The following SHROOM4 variants were observed in gnomAD, a reference collection of about 807,000 sequenced individuals.
The protein encoded by SHROOM4 is protein Shroom4.
A neutral mutation model predicts 80.3 loss-of-function variants in SHROOM4; 17 were observed. The observed-to-expected ratio is 0.21, with a 90% CI of 0.14 to 0.32. The LOEUF (loss-of-function observed/expected upper bound fraction) is 0.32. SHROOM4 is among the 10% of genes least tolerant of loss of function. The pLI is 1.00. For synonymous variants in SHROOM4, 400 were observed against 437.5 expected, an observed-to-expected ratio of 0.91 and a Z score of 1.07; for missense variants, 993 against 1,140.3, an observed-to-expected ratio of 0.87 and a Z score of 1.86.
intron 1 of SHROOM4, among the ~76,000 whole-genome samples, chrX:50,777,138 C>G (rs782247493): frequency 3.6e-5 from 4 of 111,553 alleles, no homozygotes; most frequent in Non-Finnish European, 7.5e-5. Flanking sequence ...GTAGTCACAC[C>G]TGTTGCTGAT....
chrX:50,751,860 G>A (rs542339382), intron 1 of SHROOM4, among the ~76,000 whole-genome samples: 2 of 111,745 alleles, frequency 1.8e-5, no homozygotes, highest in South Asian at 7.4e-4. Flanking sequence ...CCCCACTCCC[G>A]AGCTAGCTAT....
chrX:50,607,701 CTCT>C lies in SHROOM4; in HGVS notation c.3438_3440del (p.Glu1151del), dbSNP rs1929735166. On this transcript the variant is annotated inframe_deletion, in exon 6 of 9. Coordinates refer to ENST00000376020, the MANE Select transcript of SHROOM4 (RefSeq NM_020717.5). ...CCTCCTCCTCTGCCTCCTCCTCCTC[CTCT>C]TCCTCTTCCTCTTCTTCTTCTTCTT... is the stretch of plus-strand genomic sequence containing the variant. The C allele has an allele frequency of 8.5e-7, 1 of 1,175,858 alleles. No homozygotes were observed. The highest frequency in any genetic ancestry group is 1.1e-6 in the Non-Finnish European group (1 of 873,084).
chrX:50,587,129 A>G lies in SHROOM4; in HGVS notation c.*9566T>C, dbSNP rs782370381. Among the ~76,000 whole-genome samples the G allele has an allele frequency of 1.8e-5, 2 of 111,939 alleles. No individual in the cohort carries two copies. The highest frequency in any genetic ancestry group is 3.2e-5 in the African/African-American group (1 of 30,874). ...TTTTTTAGCTTCCACATATGAGATT[A>G]CGCAGTATTTTTCTTTCTGTGTCTG... On this transcript the variant is annotated 3_prime_UTR_variant, in exon 9 of 9. Transcript: ENST00000376020.
In SHROOM4 at chrX:50,687,850, A is replaced by G. The variant is rs183510225; in HGVS notation, c.269+7936T>C. Among the ~76,000 whole-genome samples, 8 of 110,592 alleles carry G rather than the reference A, an allele frequency of 7.2e-5. No homozygotes were observed. In the East Asian group the frequency reaches 2.3e-3, roughly 31 times the overall value. ...ATGCCAATTTAAGTGACCACGAGAA[A>G]TATAACTATCAAGAAAACCAGTTAC... On this transcript the variant is annotated intron_variant, in intron 2 of 8. Transcript: ENST00000376020.
At chrX:50,747,093 A>G (rs1201388975) in intron 1 of SHROOM4, among the ~76,000 whole-genome samples, 1 of 111,986 alleles carries the variant, frequency 8.9e-6, no homozygotes, top group Middle Eastern at 4.2e-3. Flanking sequence ...GTCCCAGATC[A>G]TATTCATAGT....
Position 50,596,944 on chromosome X carries a change from C to T in SHROOM4, c.4233G>A (p.Lys1411=), listed in dbSNP as rs1263910601. The T allele has an allele frequency of 3.3e-6, 4 of 1,209,371 alleles. No homozygotes were observed. In the African/African-American group the frequency reaches 7.0e-5, roughly 21 times the overall value. The stretch of plus-strand genomic sequence containing the variant: ...CTGCCAACTGCCCCGTCAGCTGCTG[C>T]TTCTTCTCTATCAGTACCAACTGGG... ...NQEKLVLIEK[K]QQLTGQLADA... Residue 1411 remains lysine (K), a synonymous_variant, in exon 9 of 9, where the codon AAG becomes AAA. Coordinates refer to ENST00000376020, the MANE Select transcript of SHROOM4 (RefSeq NM_020717.5).
intron 2 of SHROOM4, among the ~76,000 whole-genome samples, chrX:50,646,287 C>T (rs1448717395): frequency 1.8e-5 from 2 of 111,284 alleles, no homozygotes; most frequent in African/African-American, 6.6e-5. Context: ...TTCCACCTGC[C>T]CCACACGAAG....
intron 2 of SHROOM4, among the ~76,000 whole-genome samples, chrX:50,685,954 C>A (rs1402857214): frequency 8.9e-6 from 1 of 111,745 alleles, no homozygotes; most frequent in Non-Finnish European, 1.9e-5. Flanking sequence ...AATGATCATT[C>A]TGATTGACAA....
Position 50,607,951 on chromosome X carries a change from C to T in SHROOM4, c.3191G>A (p.Ser1064Asn). The T allele has an allele frequency of 8.3e-7, 1 of 1,212,041 alleles. No homozygotes were observed. Among genetic ancestry groups the T allele is most frequent in the Non-Finnish European group, 1.1e-6 (1 of 895,604 alleles). ...GGCCCGGGTGCTTTGGGGCGCCAAG[C>T]TGATGTGACTCTCTGAGAAGGCACG... ...RSRAFSESHI[S>N]LAPQSTRAWG... The change falls in exon 6 of 9, where the codon AGC (serine) becomes AAC (asparagine). Residue 1064 changes from serine (S) to asparagine (N), a missense_variant. Ser to Asn is a conservative substitution (Grantham distance 46, BLOSUM62 1). Coordinates refer to ENST00000376020, the MANE Select transcript of SHROOM4 (RefSeq NM_020717.5).
intron 5 of SHROOM4, among the ~76,000 whole-genome samples, chrX:50,619,551 G>A (rs184177184): frequency 8.9e-6 from 1 of 111,765 alleles, no homozygotes; most frequent in Non-Finnish European, 1.9e-5. Context: ...AACAACAAAT[G>A]CAAGTGGCAG....
intron 2 of SHROOM4, among the ~76,000 whole-genome samples, chrX:50,646,527 AGTGTGT>A (rs782016561): frequency 0.072 from 5,688 of 78,629 alleles, 172 homozygotes; most frequent in South Asian, 0.092. Flanking sequence ...AGGGGGGAAG[AGTGTGT>A]GTGTGTGTGT....
intron 2 of SHROOM4, among the ~76,000 whole-genome samples, chrX:50,677,288 A>G (rs2147405823): frequency 9.0e-6 from 1 of 111,730 alleles, no homozygotes; most frequent in East Asian, 2.8e-4. Flanking sequence ...ATGAGCTGAT[A>G]AAAGGCAAAG....
chrX:50,788,434 G>C (rs192713109), intron 1 of SHROOM4, among the ~76,000 whole-genome samples: 1 of 110,524 alleles, frequency 9.0e-6, no homozygotes, highest in Admixed American at 9.6e-5. Context: ...GTGAAACCCC[G>C]TCTCTACTAA....
intron 1 of SHROOM4, among the ~76,000 whole-genome samples, chrX:50,744,535 T>C (rs1934735380): frequency 8.9e-6 from 1 of 111,900 alleles, no homozygotes; most frequent in African/African-American, 3.2e-5. Context: ...TTTTCTTTAG[T>C]TTTTTGGATA....
At chrX:50,745,747 G>C (rs909154506) in intron 1 of SHROOM4, among the ~76,000 whole-genome samples, 1 of 111,396 alleles carries the variant, frequency 9.0e-6, no homozygotes, top group Non-Finnish European at 1.9e-5. Context: ...TTTCTCGGTT[G>C]TACTCACCTG....
chrX:50,598,805 C>G (rs1391889832), intron 7 of SHROOM4, among the ~76,000 whole-genome samples: 1 of 111,415 alleles, frequency 9.0e-6, no homozygotes, highest in Non-Finnish European at 1.9e-5. Context: ...TTACCAGATG[C>G]AACTTAATAA....
In SHROOM4 at chrX:50,781,944, C is replaced by T. The variant is rs781826213; in HGVS notation, c.117+31958G>A. Among the ~76,000 whole-genome samples the T allele has an allele frequency of 5.4e-5, 6 of 111,726 alleles. 1 individual carries two copies. The highest frequency in any genetic ancestry group is 2.8e-4 in the Admixed American group (3 of 10,572). On this transcript the variant is annotated intron_variant, in intron 1 of 8. Transcript: ENST00000376020. The stretch of plus-strand genomic sequence containing the variant: ...ATAAAATGGGCCGAGCGTAGCGGCT[C>T]ATACCTGTAATCCCAGCACTTTGGG...
chrX:50,795,152 T>C (rs2891041), intron 1 of SHROOM4, among the ~76,000 whole-genome samples: 1 of 8,231 alleles, frequency 1.2e-4, no homozygotes, highest in African/African-American at 1.5e-4. Flanking sequence ...ATATGATATA[T>C]ATATATATAT....
chrX:50,791,931 T>A (rs1406598452), intron 1 of SHROOM4, among the ~76,000 whole-genome samples: 1 of 110,485 alleles, frequency 9.1e-6, no homozygotes, highest in Non-Finnish European at 1.9e-5. Context: ...TTGAGAAGGG[T>A]ATCAAGACTA....
Sources: gnomAD v4.1 joint callset for allele counts (sites outside exome capture counted in the v4.1 genomes callset) on GRCh38, gnomAD v4.1.1 for gene constraint, MANE v1.5 for transcripts, NCBI Gene and HGNC (gene_info 2026-07-23, HGNC 2026-07-21) for gene names.